The following TRMT11 variants were observed in gnomAD, a reference collection of about 807,000 sequenced individuals.
TRMT11 encodes the protein tRNA (guanine(10)-N(2))-methyltransferase TRMT11.
TRMT11 carries 53 observed loss-of-function variants against 62.8 expected under a neutral mutation model. The ratio of observed to expected loss-of-function variants is 0.84; its 90% CI spans 0.68 to 1.06. The LOEUF (loss-of-function observed/expected upper bound fraction) is 1.06. Among genes scored for constraint, TRMT11 ranks in the 50% least tolerant of loss-of-function variants. The pLI, the probability that TRMT11 is intolerant of heterozygous loss-of-function variation, is 0.00. For synonymous variants in TRMT11, 188 were observed against 190.3 expected, an observed-to-expected ratio of 0.99 and a Z score of 0.10; for missense variants, 556 against 553.4, an observed-to-expected ratio of 1.00 and a Z score of -0.05.
At chr6:126,223,036 C>T in the TRMT11 span, among the ~76,000 whole-genome samples, 1 of 152,224 alleles carries the variant, frequency 6.6e-6, no homozygotes, top group South Asian at 2.1e-4. Context: ...ATTCTCTTAA[C>T]ATTTGCTTAT....
intron 11 of TRMT11, among the ~76,000 whole-genome samples, chr6:126,018,234 CAGTGCCTATAATG>C (rs769807826): frequency 2.0e-5 from 3 of 152,150 alleles, no homozygotes; most frequent in Non-Finnish European, 4.4e-5. Context: ...GTGAACTTTG[CAGTGCCTATAATG>C]AGTGAAGAGA....
the TRMT11 span, among the ~76,000 whole-genome samples, chr6:126,219,619 C>T: frequency 1.3e-5 from 2 of 152,166 alleles, no homozygotes; most frequent in Non-Finnish European, 2.9e-5. Flanking sequence ...GGTCAATTAC[C>T]TCATGTTTTT....
intron 2 of TRMT11, among the ~76,000 whole-genome samples, chr6:125,994,965 C>T (rs572959757): frequency 6.6e-6 from 1 of 152,158 alleles, no homozygotes; most frequent in Non-Finnish European, 1.5e-5. Context: ...ACAACACACA[C>T]TGGAGCCTGT....
upstream of TRMT11, among the ~76,000 whole-genome samples, chr6:126,172,471 G>A (rs1020189969): frequency 1.3e-5 from 2 of 152,040 alleles, no homozygotes; most frequent in African/African-American, 4.8e-5. Context: ...AAGAGTCCCC[G>A]GTAGTTATGT....
chr6:126,088,750 G>A (rs1342505753), intron 17 of TRMT11, among the ~76,000 whole-genome samples: 2 of 152,160 alleles, frequency 1.3e-5, no homozygotes, highest in Non-Finnish European at 2.9e-5. Context: ...TAATTAGAGA[G>A]TAAAATGGGA....
intron 12 of TRMT11, among the ~76,000 whole-genome samples, chr6:126,026,309 C>T (rs929952633): frequency 1.3e-5 from 2 of 152,100 alleles, no homozygotes; most frequent in Admixed American, 6.5e-5. Flanking sequence ...TTTTCTACAT[C>T]TTGCTGCCTC....
chr6:126,026,462 T>A (rs756930170), intron 12 of TRMT11, among the ~76,000 whole-genome samples: 6 of 152,188 alleles, frequency 3.9e-5, no homozygotes, highest in African/African-American at 7.2e-5. Context: ...CTTGACTCAC[T>A]GCAACCTCCG....
chr6:126,267,095 C>T, the TRMT11 span, among the ~76,000 whole-genome samples: 179 of 152,232 alleles, frequency 1.2e-3, no homozygotes, highest in African/African-American at 4.0e-3. Context: ...TAGTGTGGAA[C>T]TCTAGAAGGA....
the TRMT11 span, among the ~76,000 whole-genome samples, chr6:126,217,282 G>T: frequency 6.6e-6 from 1 of 152,160 alleles, no homozygotes; most frequent in Non-Finnish European, 1.5e-5. Context: ...GGATGATCTT[G>T]ATGCTTATGT....
intron 9 of TRMT11, among the ~76,000 whole-genome samples, chr6:126,012,314 A>G (rs1317335748): frequency 6.6e-6 from 1 of 151,600 alleles, no homozygotes; most frequent in Non-Finnish European, 1.5e-5. Flanking sequence ...GTGGCCTTTT[A>G]CTCCTATACT....
chr6:126,093,611 A>G (rs1451435181), intron 17 of TRMT11, among the ~76,000 whole-genome samples: 1 of 89,884 alleles, frequency 1.1e-5, no homozygotes, highest in African/African-American at 7.9e-5. Context: ...ATATATATAT[A>G]TATATATATA....
intron 1 of TRMT11, among the ~76,000 whole-genome samples, chr6:125,990,537 A>G (rs1790439023): frequency 4.6e-5 from 7 of 152,174 alleles, no homozygotes; most frequent in Admixed American, 4.6e-4. Flanking sequence ...TCAGGGAAAA[A>G]GTGGCTCCAC....
At chr6:126,012,527 T>C (rs1320260915) in intron 9 of TRMT11, among the ~76,000 whole-genome samples, 1 of 152,258 alleles carries the variant, frequency 6.6e-6, no homozygotes, top group East Asian at 1.9e-4. Flanking sequence ...TGATATCTTT[T>C]AGGCCTCCTT....
At chr6:126,110,256 A>G (rs1284816907) in intron 17 of TRMT11, among the ~76,000 whole-genome samples, 1 of 152,084 alleles carries the variant, frequency 6.6e-6, no homozygotes, top group Non-Finnish European at 1.5e-5. Context: ...TCAACTATAC[A>G]TCACTTGGGC....
At chr6:125,989,036 G>A (rs1790149653) in intron 1 of TRMT11, among the ~76,000 whole-genome samples, 1 of 152,110 alleles carries the variant, frequency 6.6e-6, no homozygotes, top group Admixed American at 6.5e-5. Flanking sequence ...GCTTGGGGAG[G>A]GAGGTTGAAG....
At chr6:126,244,847 G>C in the TRMT11 span, among the ~76,000 whole-genome samples, 1 of 152,146 alleles carries the variant, frequency 6.6e-6, no homozygotes, top group Non-Finnish European at 1.5e-5. Flanking sequence ...GATTGCCTGG[G>C]TTTAAGTCCC....
Position 125,988,493 on chromosome 6 carries a change from G to A in TRMT11, c.72+1871G>A, listed in dbSNP as rs114266515. ...AGGGATACAAGGGCATGGTGGGAGG[G>A]GTTCTCTTTTCAGTAGGAGGGGAGA... On this transcript the variant is annotated intron_variant, in intron 1 of 12. Coordinates refer to ENST00000334379, the MANE Select transcript of TRMT11 (RefSeq NM_001031712.3). 1.7e-3 allele frequency among the ~76,000 whole-genome samples: 261 copies of A among 152,248 alleles called. 1 individual carries two copies. Among genetic ancestry groups the A allele is most frequent in the African/African-American group, 6.0e-3 (250 of 41,524 alleles).
At chr6:126,033,527 C>T (rs929105344) in intron 12 of TRMT11, among the ~76,000 whole-genome samples, 2 of 151,980 alleles carry the variant, frequency 1.3e-5, no homozygotes, top group Admixed American at 1.3e-4. Context: ...AATTTTAGGT[C>T]GGACACTGAG....
chr6:126,267,865 C>CT, the TRMT11 span, among the ~76,000 whole-genome samples: 1 of 152,172 alleles, frequency 6.6e-6, no homozygotes, highest in Admixed American at 6.5e-5. Context: ...GGTTTCCTGA[C>CT]TGGCCCCAGG....
Sources: allele counts gnomAD v4.1 joint callset (sites outside exome capture counted in the v4.1 genomes callset), GRCh38; gene constraint gnomAD v4.1.1; transcripts MANE v1.5; gene names NCBI Gene and HGNC (gene_info 2026-07-23, HGNC 2026-07-21).